Variants in CNGA1 observed in about 807,000 individuals in gnomAD.
The protein encoded by CNGA1 is cyclic nucleotide gated channel subunit alpha 1, also known as cyclic nucleotide-gated channel alpha-1.
A neutral mutation model predicts 69.7 loss-of-function variants in CNGA1; 53 were observed. The ratio of observed to expected loss-of-function variants is 0.76; its 90% confidence interval spans 0.61 to 0.96. CNGA1 has a LOEUF of 0.96. Ranked by LOEUF, CNGA1 falls within the 40% of genes least tolerant of loss-of-function variation. The pLI is 0.00. For synonymous variants in CNGA1, 249 were observed against 283.5 expected (o/e 0.88, Z 1.22); for missense variants, 739 against 811.2 (o/e 0.91, Z 1.08).
chr4:47,938,033 T>A (rs1738786584), intron 10 of CNGA1, among the ~76,000 whole-genome samples: 1 of 151,886 alleles, frequency 6.6e-6, no homozygotes, highest in Admixed American at 6.6e-5. Flanking sequence ...AGGTAAAATT[T>A]TGGCCAGACA....
At chr4:47,947,963 G>GAA (rs1479507301) in intron 6 of CNGA1, among the ~76,000 whole-genome samples, 1 of 152,184 alleles carries the variant, frequency 6.6e-6, no homozygotes, top group Non-Finnish European at 1.5e-5. Context: ...TTCTCCTGAG[G>GAA]AAAGTAATCA....
intron 2 of CNGA1, among the ~76,000 whole-genome samples, chr4:47,990,407 C>T (rs981448342): frequency 1.3e-5 from 2 of 152,054 alleles, no homozygotes; most frequent in African/African-American, 4.8e-5. Context: ...TCTTGCAGTA[C>T]CCTCAGGCTT....
In CNGA1 at chr4:47,936,638, T is replaced by A; in HGVS notation, c.1844A>T (p.Asp615Val). 6.2e-7 allele frequency: 1 copy of A among 1,614,200 alleles called. No individual in the cohort carries two copies. Among genetic ancestry groups the A allele is most frequent in the Non-Finnish European group, 8.5e-7 (1 of 1,180,032 alleles). The change falls in exon 11 of 11, where the codon GAT (aspartate) becomes GTT (valine). Residue 615 changes from aspartate to valine, a missense_variant. By Grantham distance (152) the Asp-to-Val change is radical. Transcript: ENST00000514170. ...AACCTTCTCTTCAAGATCTTTAGGA[T>A]CACTGCCAGCATTTGCAATGTTTAG... ...LDLNIANAGS[D>V]PKDLEEKVTR...
At chr4:47,984,691 C>T (rs188833115) in intron 2 of CNGA1, among the ~76,000 whole-genome samples, 2,141 of 139,674 alleles carry the variant, frequency 0.015, 51 homozygotes, top group African/African-American at 0.051. Context: ...CACACACACA[C>T]ACATATATAT....
Position 47,943,303 on chromosome 4 carries a change from C to G in CNGA1, c.330-15G>C. 2.8e-6 allele frequency: 4 copies of G among 1,434,556 alleles called. No individual in the cohort carries two copies. The highest frequency in any genetic ancestry group is 1.2e-5 in the South Asian group (1 of 80,686). The allele number at this position is 1,434,556 out of a possible 1,614,324, so 88.9% of individuals were successfully genotyped here. Reference sequence around the variant, plus strand: ...CATCTGACTTGCTGAAAAAATTAAGCAAGTAGTATTAAAATACAGAAATGT... The same window carrying G: ...CATCTGACTTGCTGAAAAAATTAAGGAAGTAGTATTAAAATACAGAAATGT... On this transcript the variant is annotated splice_polypyrimidine_tract_variant and intron_variant, in intron 7 of 10. Coordinates refer to ENST00000514170, the MANE Select transcript of CNGA1 (RefSeq NM_001379270.1).
At chr4:47,947,196 G>T (rs1739447845) in intron 6 of CNGA1, among the ~76,000 whole-genome samples, 1 of 152,136 alleles carries the variant, frequency 6.6e-6, no homozygotes, top group Non-Finnish European at 1.5e-5. Flanking sequence ...GGTCATATGT[G>T]GGGTTCTTTA....
intron 2 of CNGA1, among the ~76,000 whole-genome samples, chr4:47,987,193 A>G (rs992133415): frequency 2.6e-5 from 4 of 152,154 alleles, no homozygotes; most frequent in Admixed American, 2.0e-4. Context: ...CTAAATCTTC[A>G]TAATCCTATT....
intron 3 of CNGA1, among the ~76,000 whole-genome samples, chr4:47,978,327 T>C (rs2110212265): frequency 6.6e-6 from 1 of 152,322 alleles, no homozygotes; most frequent in East Asian, 1.9e-4. Context: ...TTTTATCACA[T>C]GACAAGGGAT....
chr4:47,998,360 G>T (rs1714485834), intron 2 of CNGA1, among the ~76,000 whole-genome samples: 1 of 152,132 alleles, frequency 6.6e-6, no homozygotes, highest in South Asian at 2.1e-4. Flanking sequence ...CCACAGACTG[G>T]ACAAAGAATA....
intron 3 of CNGA1, among the ~76,000 whole-genome samples, chr4:47,953,843 G>T (rs1333166397): frequency 1.3e-5 from 2 of 152,186 alleles, no homozygotes; most frequent in African/African-American, 4.8e-5. Flanking sequence ...AGGGGGACAG[G>T]GAAGTGCTGG....
intron 2 of CNGA1, among the ~76,000 whole-genome samples, chr4:47,992,026 G>A (rs1295393619): frequency 2.6e-5 from 4 of 152,062 alleles, no homozygotes; most frequent in Non-Finnish European, 4.4e-5. Context: ...ATTGGTCTAT[G>A]TGCCTATTTT....
intron 3 of CNGA1, among the ~76,000 whole-genome samples, chr4:47,968,862 C>G (rs914194815): frequency 2.6e-5 from 4 of 152,056 alleles, no homozygotes; most frequent in African/African-American, 7.2e-5. Flanking sequence ...AGGAGATATT[C>G]CTATGGAATT....
chr4:47,939,543 T>C (rs1738936262), intron 10 of CNGA1, among the ~76,000 whole-genome samples: 1 of 152,204 alleles, frequency 6.6e-6, no homozygotes, highest in Non-Finnish European at 1.5e-5. Flanking sequence ...CTCCAATTTA[T>C]AGCTGGTCAG....
At chr4:47,985,739 T>C (rs1240234712) in intron 2 of CNGA1, among the ~76,000 whole-genome samples, 1 of 151,388 alleles carries the variant, frequency 6.6e-6, no homozygotes, top group African/African-American at 2.4e-5. Context: ...GCTCTCACAC[T>C]TCCTTCGTCT....
At chr4:47,938,882 G>A (rs1281657585) in intron 10 of CNGA1, among the ~76,000 whole-genome samples, 1 of 150,840 alleles carries the variant, frequency 6.6e-6, no homozygotes, top group Non-Finnish European at 1.5e-5. Flanking sequence ...TTTGAGACCA[G>A]CTTAAGTCTC....
At chr4:47,964,820 A>G (rs1172677826) in intron 3 of CNGA1, among the ~76,000 whole-genome samples, 2 of 152,076 alleles carry the variant, frequency 1.3e-5, no homozygotes, top group African/African-American at 4.8e-5. Flanking sequence ...CTAAATTTTT[A>G]TTAATTCCTA....
chr4:47,954,174 C>T (rs1021857349), intron 3 of CNGA1, among the ~76,000 whole-genome samples: 3 of 152,068 alleles, frequency 2.0e-5, no homozygotes, highest in Non-Finnish European at 4.4e-5. Flanking sequence ...AGAGGAGTTG[C>T]GTCCAGAACG....
intron 2 of CNGA1, among the ~76,000 whole-genome samples, chr4:47,986,086 G>A (rs1466808300): frequency 1.3e-5 from 2 of 152,172 alleles, no homozygotes; most frequent in Admixed American, 6.6e-5. Context: ...GCTGCAATGG[G>A]AGTTTTCATA....
At chr4:47,969,551 C>A (rs1000067966) in intron 3 of CNGA1, among the ~76,000 whole-genome samples, 1 of 151,962 alleles carries the variant, frequency 6.6e-6, no homozygotes, top group Non-Finnish European at 1.5e-5. Flanking sequence ...CTCACTGCAA[C>A]CTCCACCTCC....
Sources: allele counts gnomAD v4.1 joint callset (sites outside exome capture counted in the v4.1 genomes callset), GRCh38; gene constraint gnomAD v4.1.1; transcripts MANE v1.5; gene names NCBI Gene and HGNC (gene_info 2026-07-23, HGNC 2026-07-21).